Variants in TNIP3 observed in about 807,000 individuals in gnomAD.
TNIP3 encodes the protein TNFAIP3 interacting protein 3, also known as TNFAIP3-interacting protein 3.
In TNIP3, 34 loss-of-function variants were observed where a neutral mutation model predicts 54.1. The observed-to-expected ratio is 0.63, with a 90% CI of 0.48 to 0.84. TNIP3 has a LOEUF of 0.84. Among genes scored for constraint, TNIP3 ranks in the 40% least tolerant of loss-of-function variants. TNIP3 has a pLI of 0.00. For missense variants in TNIP3, 366 were observed against 387.6 expected (o/e 0.94, Z 0.47); for synonymous variants, 134 against 136.8 (o/e 0.98, Z 0.14).
chr4:121,186,515 A>C lies in TNIP3; in HGVS notation c.69-3719T>G, dbSNP rs1185883958. ...AAAATCAACATGCTTTTAGAGTTGAACATAACAGTGGGACCTAGTGTAAGT... is the reference window on the plus strand; with the variant it reads ...AAAATCAACATGCTTTTAGAGTTGACCATAACAGTGGGACCTAGTGTAAGT... On this transcript the variant is annotated intron_variant, in intron 2 of 12. Coordinates refer to the TNIP3 transcript ENST00000507879. Among the ~76,000 whole-genome samples the C allele has an allele frequency of 3.3e-5, 5 of 152,320 alleles. No individual in the cohort carries two copies. The East Asian group carries it at 5.8e-4, about 18-fold the overall frequency.
At chr4:121,192,883 A>C (rs1010320512) in intron 2 of TNIP3, 1 of 152,148 alleles carries the variant, frequency 6.6e-6, no homozygotes, top group Non-Finnish European at 1.5e-5. Flanking sequence ...ATTTTAGTAT[A>C]TGTGCTGCTG....
intron 3 of TNIP3, among the ~76,000 whole-genome samples, chr4:121,177,367 A>C (rs946410813): frequency 4.6e-5 from 7 of 152,202 alleles, no homozygotes; most frequent in Admixed American, 1.3e-4. Context: ...ATATAAAAGC[A>C]CACTTTCATG....
chr4:121,136,314 T>G (rs1437207788), intron 10 of TNIP3, among the ~76,000 whole-genome samples: 1 of 152,210 alleles, frequency 6.6e-6, no homozygotes, highest in Non-Finnish European at 1.5e-5. Flanking sequence ...TTTGTATCTA[T>G]ACTTTCAGAA....
chr4:121,166,840 G>A (rs986850901), upstream of TNIP3, among the ~76,000 whole-genome samples: 5 of 152,132 alleles, frequency 3.3e-5, no homozygotes, highest in African/African-American at 1.2e-4. Context: ...ATTTTTAAGT[G>A]TATGTGCTAT....
intron 2 of TNIP3, among the ~76,000 whole-genome samples, chr4:121,187,401 G>A (rs976986302): frequency 8.5e-5 from 13 of 152,162 alleles, no homozygotes; most frequent in African/African-American, 2.9e-4. Flanking sequence ...GTAAGCTTGA[G>A]CGTCAGTGAG....
rs568328090 is a variant in TNIP3, at chr4:121,142,644, A to G, written c.786+82T>C. ...GGTTGTTGTAGGTCACCTGTAGCAG[A>G]GCTTGAACATGTCTTTAATTGGGAC... On this transcript the variant is annotated intron_variant, in intron 8 of 10. Transcript: ENST00000057513. The G allele has an allele frequency of 1.2e-5, 15 of 1,283,746 alleles. No individual in the cohort carries two copies. In the African/African-American group the frequency reaches 2.2e-4, roughly 19 times the overall value. The allele number at this position is 1,283,746 out of a possible 1,614,324, so 79.5% of individuals were successfully genotyped here. A position where few individuals can be genotyped will look rare whatever the true frequency, so the allele number is the denominator to read the frequency against.
chr4:121,206,127 C>A (rs1383438724), intron 2 of TNIP3, among the ~76,000 whole-genome samples: 1 of 152,136 alleles, frequency 6.6e-6, no homozygotes, highest in African/African-American at 2.4e-5. Flanking sequence ...ATGGGAACTA[C>A]AATTCAAGAT....
At position 121,181,624 on chromosome 4, in the gene TNIP3, GGTGT is replaced by G. The variant is rs3028475; in HGVS notation, c.189+1048_189+1051del. Among the ~76,000 whole-genome samples, 561 of 148,666 alleles carry G rather than the reference GGTGT, an allele frequency of 3.8e-3. 2 individuals carry two copies. The highest frequency in any genetic ancestry group is 7.3e-3 in the African/African-American group (296 of 40,712). Reference sequence around the variant, plus strand: ...GTGAAGAGGGTAAGTTAATAAGACAGGTGTGTGTGTGTGTGTGTGTGTGTGTGTG... The same window carrying G: ...GTGAAGAGGGTAAGTTAATAAGACAGGTGTGTGTGTGTGTGTGTGTGTGTG... On this transcript the variant is annotated intron_variant, in intron 3 of 12. Transcript: ENST00000507879.
At position 121,147,219 on chromosome 4, in the gene TNIP3, T is replaced by G. The variant is rs181651436; in HGVS notation, c.610-45A>C. On this transcript the variant is annotated intron_variant, in intron 6 of 10. Transcript: ENST00000057513. ...TGTTACTGTAAGCTTCCTTTTCACT[T>G]AAGCCATTTAAATGACTTTATTTTA... is the stretch of plus-strand genomic sequence containing the variant. 5.7e-5 allele frequency: 90 copies of G among 1,578,398 alleles called. No individual in the cohort carries two copies. In the African/African-American group the frequency reaches 1.2e-3, roughly 21 times the overall value.
intron 5 of TNIP3, 39 bp downstream of exon 5, chr4:121,154,511 AC>A (rs767991330): frequency 1.2e-6 from 2 of 1,610,242 alleles, no homozygotes; most frequent in Admixed American, 3.4e-5. Flanking sequence ...TTATGCAGGG[AC>A]TTCTCATTTT....
At chr4:121,147,247 T>A (rs1467132323) in intron 6 of TNIP3, 73 bp from the exon 7 acceptor site, 32 of 1,536,876 alleles carry the variant, frequency 2.1e-5, no homozygotes, top group Non-Finnish European at 2.7e-5. Context: ...TTATTTTAAA[T>A]GACTGCTGCC....
intron 3 of TNIP3, among the ~76,000 whole-genome samples, chr4:121,170,962 C>T (rs1335507210): frequency 6.6e-6 from 1 of 152,040 alleles, no homozygotes; most frequent in Non-Finnish European, 1.5e-5. Flanking sequence ...ATTACAGGTA[C>T]CTGCCACCAT....
intron 2 of TNIP3, among the ~76,000 whole-genome samples, chr4:121,212,045 G>C (rs1318789947): frequency 6.6e-6 from 1 of 152,142 alleles, no homozygotes; most frequent in Non-Finnish European, 1.5e-5. Context: ...ATTCTAATTT[G>C]GTATTCTTTT....
At chr4:121,168,181 G>A (rs1035956557), upstream of TNIP3, among the ~76,000 whole-genome samples, 2 of 152,008 alleles carry the variant, frequency 1.3e-5, no homozygotes, top group African/African-American at 4.8e-5. Flanking sequence ...AAGTGGCAAG[G>A]TGAAATAAAC....
intron 9 of TNIP3, among the ~76,000 whole-genome samples, chr4:121,139,860 A>G (rs1359615496): frequency 6.6e-6 from 1 of 152,238 alleles, no homozygotes; most frequent in Admixed American, 6.5e-5. Context: ...TTTATATTCC[A>G]GGAGAGTTGC....
Position 121,157,144 on chromosome 4 carries a change from C to CTCTCTGCCTGTCGTCCTT in TNIP3, c.295_312dup (p.Lys99_Arg104dup). The CTCTCTGCCTGTCGTCCTT allele has an allele frequency of 1.2e-6, 2 of 1,613,676 alleles. No homozygotes were observed. The highest frequency in any genetic ancestry group is 1.1e-5 in the South Asian group (1 of 91,076). On this transcript the variant is annotated inframe_insertion, in exon 4 of 11. Coordinates refer to ENST00000057513, the MANE Select transcript of TNIP3 (RefSeq NM_024873.6). ...GTCAGGTCGCGCTGCCTGTCGTCCTCTCTCTGCCTGTCGTCCTTTCTCTGC... is the reference window on the plus strand; with the variant it reads ...GTCAGGTCGCGCTGCCTGTCGTCCTCTCTCTGCCTGTCGTCCTTTCTCTGCCTGTCGTCCTTTCTCTGC...
chr4:121,157,787 T>C (rs1243826602), intron 3 of TNIP3, among the ~76,000 whole-genome samples: 2 of 152,174 alleles, frequency 1.3e-5, no homozygotes, highest in East Asian at 3.9e-4. Context: ...TCTTCCAAGA[T>C]GGAGATTATA....
At chr4:121,148,065 C>T (rs941516068) in intron 6 of TNIP3, among the ~76,000 whole-genome samples, 3 of 152,186 alleles carry the variant, frequency 2.0e-5, no homozygotes, top group African/African-American at 7.2e-5. Flanking sequence ...TGAGAACTGA[C>T]ATTCATTTCC....
chr4:121,227,194 A>T (rs1370212952), intron 1 of TNIP3, among the ~76,000 whole-genome samples: 3 of 152,222 alleles, frequency 2.0e-5, no homozygotes, highest in Non-Finnish European at 2.9e-5. Flanking sequence ...ATTTACAACA[A>T]GTTCTATCTT....
Sources: allele counts gnomAD v4.1 joint callset (sites outside exome capture counted in the v4.1 genomes callset), GRCh38; gene constraint gnomAD v4.1.1; transcripts MANE v1.5; gene names NCBI Gene and HGNC (gene_info 2026-07-23, HGNC 2026-07-21).